The following TOP1MT variants were observed in gnomAD, a reference collection of about 807,000 sequenced individuals.
TOP1MT encodes DNA topoisomerase I, mitochondrial.
TOP1MT carries 80 observed loss-of-function variants against 73.9 expected under a neutral mutation model. The ratio of observed to expected loss-of-function variants is 1.08; its 90% CI spans 0.90 to 1.30. The LOEUF (loss-of-function observed/expected upper bound fraction) is 1.30. Among genes scored for constraint, TOP1MT ranks in the 50% most tolerant of loss-of-function variants. The pLI is 0.00. For missense variants in TOP1MT, 815 were observed against 808.0 expected, an observed-to-expected ratio of 1.01 and a Z score of -0.10; for synonymous variants, 338 against 326.4, an observed-to-expected ratio of 1.04 and a Z score of -0.38.
Position 143,324,201 on chromosome 8 carries a change from G to A in TOP1MT, c.817-59C>T, listed in dbSNP as rs1373148216. ...CACATTCCTGTTAAATAACGGAGGA[G>A]GCTGTCAACTCTCCCTCCCCCAAAC... On this transcript the variant is annotated intron_variant, in intron 6 of 13. Transcript: ENST00000329245. The A allele has an allele frequency of 1.7e-5, 27 of 1,593,638 alleles. No individual in the cohort carries two copies. In the East Asian group the frequency reaches 5.4e-4, roughly 32 times the overall value.
intron 3 of TOP1MT, among the ~76,000 whole-genome samples, chr8:143,326,984 A>G (rs1055604158): frequency 6.6e-6 from 1 of 152,194 alleles, no homozygotes; most frequent in Non-Finnish European, 1.5e-5. Flanking sequence ...TGGAGGGGAC[A>G]GAAGGACAGA....
chr8:143,317,702 G>A lies in TOP1MT; in HGVS notation c.1330+21C>T, dbSNP rs1327083712. On this transcript the variant is annotated intron_variant, in intron 10 of 13. Coordinates refer to ENST00000329245, the MANE Select transcript of TOP1MT (RefSeq NM_052963.3). ...GGGCCGTGCTCCCCCCGCGCTGAGT[G>A]TGGGTGTGGGGCAGGCTCACCGCGC... is the stretch of plus-strand genomic sequence containing the variant. 21 of 1,605,496 alleles carry A rather than the reference G, an allele frequency of 1.3e-5. No homozygotes were observed. The East Asian group carries it at 4.2e-4, about 32-fold the overall frequency.
At chr8:143,310,852 G>A (rs1815993241) in intron 12 of TOP1MT, among the ~76,000 whole-genome samples, 1 of 152,236 alleles carries the variant, frequency 6.6e-6, no homozygotes, top group Non-Finnish European at 1.5e-5. Flanking sequence ...CAGGGGCCGA[G>A]GGACACATGA....
rs1350118934 is a variant in TOP1MT at position 143,334,835 on chromosome 8, G to GAGCCGCAGC, written c.18_26dup (p.Leu7_Leu9dup). 12 of 1,516,254 alleles carry GAGCCGCAGC rather than the reference G, an allele frequency of 7.9e-6. No homozygotes were observed. In the South Asian group the frequency reaches 1.4e-4, roughly 18 times the overall value. 93.9% of individuals were successfully genotyped at this position (1,516,254 alleles called of 1,614,324 possible). A position where few individuals can be genotyped will look rare whatever the true frequency, so the allele number is the denominator to read the frequency against. On this transcript the variant is annotated inframe_insertion, in exon 1 of 14. Transcript: ENST00000329245. ...CCCCGAGCAGCGTCAGAGCCGCCCG[G>GAGCCGCAGC]AGCCGCAGCAGCCGCACCACGCGCA...
chr8:143,311,417 G>C (rs1188493666), intron 12 of TOP1MT, among the ~76,000 whole-genome samples: 1 of 152,074 alleles, frequency 6.6e-6, no homozygotes, highest in African/African-American at 2.4e-5. Flanking sequence ...CTGCATCTCC[G>C]GATGCTCATC....
At chr8:143,349,399 C>T (rs2035640), upstream of TOP1MT, among the ~76,000 whole-genome samples, 2,650 of 151,442 alleles carry the variant, frequency 0.017, 88 homozygotes, top group African/African-American at 0.061. Flanking sequence ...AACAACCTAC[C>T]TGACCCAAAG....
upstream of TOP1MT, among the ~76,000 whole-genome samples, chr8:143,337,001 C>T (rs561432943): frequency 6.6e-6 from 1 of 152,150 alleles, no homozygotes; most frequent in South Asian, 2.1e-4. Context: ...TAAAATACTG[C>T]ACAATAAATT....
intron 1 of TOP1MT, among the ~76,000 whole-genome samples, chr8:143,353,140 C>T (rs528230290): frequency 1.7e-4 from 26 of 152,232 alleles, no homozygotes; most frequent in Middle Eastern, 3.4e-3. Flanking sequence ...AAGGGCCAGG[C>T]GGGGTGGCTC....
At chr8:143,348,080 G>A (rs910186192), upstream of TOP1MT, among the ~76,000 whole-genome samples, 4 of 152,130 alleles carry the variant, frequency 2.6e-5, no homozygotes, top group African/African-American at 7.2e-5. This position sits in a 1 kb window ranked among gnomAD's most constrained non-coding sequence, Gnocchi z 4.6. Context: ...TGCTAAGAGT[G>A]GAGTTCCTGG....
Position 143,310,073 on chromosome 8 carries a change from A to C in TOP1MT, c.1698T>G (p.Ile566Met), listed in dbSNP as rs376588526. 20 of 1,612,628 alleles carry C rather than the reference A, an allele frequency of 1.2e-5. No homozygotes were observed. The African/African-American group carries it at 2.4e-4, about 19-fold the overall frequency. Reference protein sequence around the residue: ...KLNYLDPRISIAWCKRFRVPV... With the variant: ...KLNYLDPRISMAWCKRFRVPV... ...GAGACCCCAGGCACACGCACCAGGC[A>C]ATGCTGATCCTGGGGTCCAGGTAGT... The change falls in exon 13 of 14, where the codon ATT becomes ATG. Residue 566 changes from isoleucine to methionine, a missense_variant. Physicochemically the swap from Ile to Met is conservative, Grantham distance 10. Coordinates refer to ENST00000329245, the MANE Select transcript of TOP1MT (RefSeq NM_052963.3).
intron 8 of TOP1MT, 63 bp downstream of exon 8, chr8:143,321,137 GC>G: frequency 6.8e-7 from 1 of 1,469,816 alleles, no homozygotes; most frequent in Non-Finnish European, 9.1e-7. Context: ...GCTCCGGCAC[GC>G]CCCCAGACAT....
At chr8:143,315,926 C>T (rs942328094) in intron 11 of TOP1MT, 73 bp downstream of exon 11, 59 of 1,608,776 alleles carry the variant, frequency 3.7e-5, no homozygotes, top group Non-Finnish European at 4.3e-5. Flanking sequence ...GGCTCCCAGG[C>T]CTGTGCCGAG....
At chr8:143,321,532 C>A (rs548553501) in intron 7 of TOP1MT, 146 bp from the exon 8 acceptor site, 10 of 609,494 alleles carry the variant, frequency 1.6e-5, no homozygotes, top group Admixed American at 3.7e-5. Context: ...ACGCACGCCA[C>A]ACACACGCAC....
chr8:143,339,279 G>C (rs1224594963), upstream of TOP1MT, among the ~76,000 whole-genome samples: 1 of 152,166 alleles, frequency 6.6e-6, no homozygotes, highest in African/African-American at 2.4e-5. Flanking sequence ...ATATGCTAAT[G>C]CGATGGTATG....
intron 1 of TOP1MT, 63 bp from the exon 2 acceptor site, chr8:143,331,402 C>T: frequency 1.4e-6 from 2 of 1,406,628 alleles, no homozygotes; most frequent in Non-Finnish European, 9.9e-7. Context: ...CTCTTCCCCG[C>T]TCCCACAGTG....
chr8:143,346,571 C>T (rs558707078), upstream of TOP1MT, among the ~76,000 whole-genome samples: 59 of 152,200 alleles, frequency 3.9e-4, no homozygotes, highest in South Asian at 0.011. Flanking sequence ...CACTAGAGCC[C>T]GGGAACTGGA....
chr8:143,331,831 C>T (rs944388046), intron 1 of TOP1MT: 5 of 157,458 alleles, frequency 3.2e-5, no homozygotes, highest in East Asian at 1.9e-4. Flanking sequence ...CACAGCAGGG[C>T]GCAGGACCGC....
At chr8:143,348,606 T>TGGG (rs71516023), upstream of TOP1MT, among the ~76,000 whole-genome samples, 149 of 127,730 alleles carry the variant, frequency 1.2e-3, 1 homozygote, top group African/African-American at 4.0e-3. The surrounding 1 kb of genome is among the most constrained non-coding windows in gnomAD (Gnocchi z 4.6). Flanking sequence ...AGCTGGGGGG[T>TGGG]GGGGGGGGGT....
At chr8:143,315,021 GC>G (rs1443053697) in intron 12 of TOP1MT, among the ~76,000 whole-genome samples, 3 of 152,158 alleles carry the variant, frequency 2.0e-5, no homozygotes, top group Non-Finnish European at 2.9e-5. Flanking sequence ...CTGGGAAGAT[GC>G]CTATTGCCAG....
Sources: gnomAD v4.1 joint callset for allele counts (sites outside exome capture counted in the v4.1 genomes callset) on GRCh38, gnomAD v4.1.1 for gene constraint, Gnocchi (gnomAD v3.1) non-coding constraint, MANE v1.5 for transcripts, NCBI Gene and HGNC (gene_info 2026-07-23, HGNC 2026-07-21) for gene names.